Variants in PRPF40B observed in about 807,000 individuals in gnomAD.
The protein encoded by PRPF40B is pre-mRNA-processing factor 40 homolog B.
Under a neutral mutation model 124.5 loss-of-function variants are expected in PRPF40B, and 56 were observed. The ratio of observed to expected loss-of-function variants is 0.45; its 90% CI spans 0.36 to 0.56. PRPF40B has a LOEUF of 0.56. Among genes scored for constraint, PRPF40B ranks in the 20% least tolerant of loss-of-function variants. PRPF40B has a pLI of 0.00. For synonymous variants in PRPF40B, 443 were observed against 426.4 expected (o/e 1.04, Z -0.48); for missense variants, 1,053 against 1,169.5 (o/e 0.90, Z 1.45).
At position 49,633,480 on chromosome 12, in the gene PRPF40B, TTATTAC is replaced by T. The variant is rs760469292; in HGVS notation, c.517_522del (p.Tyr173_Tyr174del). On this transcript the variant is annotated inframe_deletion, in exon 8 of 26. Transcript: ENST00000548825. ...AGTACAAGTCGGACACAGGCAAACC[TTATTAC>T]TATAACAACCAGAGTAAAGAGTCCC... 111 of 1,614,058 alleles carry T rather than the reference TTATTAC, an allele frequency of 6.9e-5. No homozygotes were observed. The highest frequency in any genetic ancestry group is 3.3e-5 in the Admixed American group (2 of 59,996).
intron 22 of PRPF40B, 80 bp from the exon 23 acceptor site, chr12:49,643,143 C>CT (rs1942892302): frequency 3.8e-6 from 6 of 1,592,004 alleles, no homozygotes; most frequent in Non-Finnish European, 5.2e-6. Context: ...CTGGGTCCTC[C>CT]TCCTCTCTCG....
intron 4 of PRPF40B, 101 bp downstream of exon 4, chr12:49,632,026 C>T (rs1040178106): frequency 6.1e-5 from 73 of 1,195,336 alleles, no homozygotes; most frequent in East Asian, 5.8e-4. Context: ...CTCTTCTCAT[C>T]GCATCCACCC....
At chr12:49,623,178 A>G (rs1475934153), upstream of PRPF40B, among the ~76,000 whole-genome samples, 1 of 152,068 alleles carries the variant, frequency 6.6e-6, no homozygotes, top group East Asian at 1.9e-4. Flanking sequence ...AGAGCTACAC[A>G]GCAAATTAAA....
rs571562445 is a variant in PRPF40B, at chr12:49,629,950, G to T, written c.4-595G>T. 3.3e-5 allele frequency among the ~76,000 whole-genome samples: 5 copies of T among 152,346 alleles called. No individual in the cohort carries two copies. In the East Asian group the frequency reaches 7.7e-4, roughly 23 times the overall value. On this transcript the variant is annotated intron_variant, in intron 1 of 25. Coordinates refer to ENST00000548825, the MANE Select transcript of PRPF40B (RefSeq NM_001031698.3). The stretch of plus-strand genomic sequence containing the variant: ...GCCAAAGAGATGAAGTTGGCGATTG[G>T]AAGTGGAAGATGTCAAAGAAAGTAG...
At chr12:49,638,469 G>GC (rs1942153706) in intron 18 of PRPF40B, 1 of 152,284 alleles carries the variant, frequency 6.6e-6, no homozygotes, top group South Asian at 2.1e-4. Context: ...TGATACTGTC[G>GC]CAAGTGTCAG....
chr12:49,636,992 C>A, intron 16 of PRPF40B, 143 bp downstream of exon 16: 1 of 1,242,316 alleles, frequency 8.0e-7, no homozygotes, highest in Non-Finnish European at 1.1e-6. Flanking sequence ...CTCTCTCTGC[C>A]TGCAGTCTGT....
At chr12:49,628,887 A>C (rs1283992659) in intron 1 of PRPF40B, among the ~76,000 whole-genome samples, 1 of 152,206 alleles carries the variant, frequency 6.6e-6, no homozygotes, top group East Asian at 1.9e-4. Context: ...TTTTAAAGGC[A>C]GACATGAAGG....
chr12:49,637,647 C>A, intron 17 of PRPF40B, 63 bp downstream of exon 17: 2 of 1,569,024 alleles, frequency 1.3e-6, no homozygotes, highest in Admixed American at 1.7e-5. Context: ...TCTCTGCACC[C>A]CCTACTACCG....
chr12:49,638,987 A>G (rs553939530), intron 18 of PRPF40B: 1 of 152,342 alleles, frequency 6.6e-6, no homozygotes, highest in African/African-American at 2.4e-5. Flanking sequence ...TAAATTTAAT[A>G]TTTTAAATTA....
At chr12:49,622,981 C>G (rs1940337545), upstream of PRPF40B, among the ~76,000 whole-genome samples, 5 of 152,130 alleles carry the variant, frequency 3.3e-5, no homozygotes, top group South Asian at 1.0e-3. Flanking sequence ...GGAGCCAGGT[C>G]CCAAAAGTGA....
At chr12:49,632,118 A>C in intron 4 of PRPF40B, 193 bp downstream of exon 4, 1 of 646,538 alleles carries the variant, frequency 1.5e-6, no homozygotes, top group Non-Finnish European at 2.8e-6. Flanking sequence ...CTCATCCCCA[A>C]AGGCATATAC....
At position 49,643,384 on chromosome 12, in the gene PRPF40B, T is replaced by A. The variant is rs769823189; in HGVS notation, c.2367T>A (p.His789Gln). ...ALGGRGSPSS[H>Q]LLGADHGLRK... The stretch of plus-strand genomic sequence containing the variant: ...GAGGACGGGGCTCCCCTTCCTCCCA[T>A]CTTCTTGGAGCAGGTAAGCAGTTGC... Residue 789 changes from histidine to glutamine, a missense_variant, in exon 23 of 26, where the codon CAT becomes CAA. This residue lies in a region of PRPF40B where 895 missense variants were observed against 1,052.2 expected (regional missense o/e 0.85). Coordinates refer to ENST00000548825, the MANE Select transcript of PRPF40B (RefSeq NM_001031698.3). 1.3e-6 allele frequency: 2 copies of A among 1,565,780 alleles called. No homozygotes were observed. The highest frequency in any genetic ancestry group is 1.7e-6 in the Non-Finnish European group (2 of 1,157,596).
In PRPF40B at chr12:49,642,085, TCTCA is replaced by T; in HGVS notation, c.1884+68_1884+71del. On this transcript the variant is annotated intron_variant, in intron 19 of 25. Coordinates refer to ENST00000548825, the MANE Select transcript of PRPF40B (RefSeq NM_001031698.3). This position sits in a 1 kb window ranked among gnomAD's most constrained non-coding sequence, Gnocchi z 5.8. ...TTCATCTGTGTCTTGCTCCATTCCTTCTCACTCACTGTCCCACTGACTATATTCC... is the reference window on the plus strand; with the variant it reads ...TTCATCTGTGTCTTGCTCCATTCCTTCTCACTGTCCCACTGACTATATTCC... The T allele has an allele frequency of 6.2e-7, 1 of 1,604,572 alleles. No individual in the cohort carries two copies.
At chr12:49,643,530 C>T (rs1313613054) in intron 23 of PRPF40B, 133 bp downstream of exon 23, 25 of 1,370,846 alleles carry the variant, frequency 1.8e-5, no homozygotes, top group Non-Finnish European at 1.6e-5. Context: ...GAAAGAACTT[C>T]CTCTACCTGC....
At chr12:49,628,772 T>G (rs568576076) in intron 1 of PRPF40B, among the ~76,000 whole-genome samples, 6 of 151,720 alleles carry the variant, frequency 4.0e-5, no homozygotes, top group African/African-American at 1.5e-4. Flanking sequence ...TTCACCGTGT[T>G]GGCCAGGATG....
intron 1 of PRPF40B, among the ~76,000 whole-genome samples, chr12:49,625,543 C>T (rs1458305412): frequency 6.6e-6 from 1 of 152,092 alleles, no homozygotes; most frequent in Non-Finnish European, 1.5e-5. Context: ...GTCCTTTTCT[C>T]CTTTTATTCT....
rs745607277 is a variant in PRPF40B at position 49,634,557 on chromosome 12, C to T, written c.956C>T (p.Ser319Leu). ...TTCCAGGCTGTCCCCTCCAATGCCT[C>T]ATGGGAACAGGCCATGAAGATGGTG... ...LRDKAVPSNA[S>L]WEQAMKMVVT... The change falls in exon 12 of 26, where the codon TCA becomes TTA. Residue 319 changes from serine (S) to leucine (L), a missense_variant. By Grantham distance (145) the Ser-to-Leu change is moderately radical (BLOSUM62 -2). Coordinates refer to ENST00000548825, the MANE Select transcript of PRPF40B (RefSeq NM_001031698.3). 39 of 1,614,098 alleles carry T rather than the reference C, an allele frequency of 2.4e-5. No homozygotes were observed. Among genetic ancestry groups the T allele is most frequent in the Non-Finnish European group, 2.6e-5 (31 of 1,180,026 alleles).
At chr12:49,641,569 C>T in intron 18 of PRPF40B, 1 of 302,762 alleles carries the variant, frequency 3.3e-6, no homozygotes, top group Non-Finnish European at 6.2e-6. Flanking sequence ...ATTGAGAATG[C>T]ATGGAAGCAC....
chr12:49,623,941 G>C, intron 1 of PRPF40B: 1 of 1,124,174 alleles, frequency 8.9e-7, no homozygotes. Context: ...CCAGGGGACA[G>C]GTGGGGACCA....
Sources: allele counts gnomAD v4.1 joint callset (sites outside exome capture counted in the v4.1 genomes callset), GRCh38; gene constraint gnomAD v4.1.1; regional missense constraint gnomAD v4.1.1; non-coding constraint Gnocchi (gnomAD v3.1); transcripts MANE v1.5; gene names NCBI Gene and HGNC (gene_info 2026-07-23, HGNC 2026-07-21).